The following ST3GAL2 variants were observed in gnomAD, a reference collection of about 807,000 sequenced individuals.
The protein encoded by ST3GAL2 is CMP-N-acetylneuraminate-beta-galactosamide-alpha-2,3-sialyltransferase 2.
In ST3GAL2, 16 loss-of-function variants were observed where a neutral mutation model predicts 37.5. The ratio of observed to expected loss-of-function variants is 0.43; its 90% CI spans 0.29 to 0.65. ST3GAL2 has a LOEUF of 0.65. Among genes scored for constraint, ST3GAL2 ranks in the 30% least tolerant of loss-of-function variants. The probability of loss-of-function intolerance (pLI) is 0.17; values close to 1 mark genes in which losing one functional copy is unlikely to be tolerated. For synonymous variants in ST3GAL2, 238 were observed against 202.9 expected (o/e 1.17, Z -1.47); for missense variants, 383 against 487.8 (o/e 0.79, Z 2.02).
At position 70,377,130 on chromosome 16, in the gene ST3GAL2, GC is replaced by G. The variant is rs2047353943; in HGVS notation, c.*4558del. 6.7e-6 allele frequency: 1 copy of G among 148,790 alleles called. No homozygotes were observed. The highest frequency in any genetic ancestry group is 2.5e-5 in the African/African-American group (1 of 39,594). 9.2% of individuals were successfully genotyped at this position (148,790 alleles called of 1,614,324 possible). On this transcript the variant is annotated 3_prime_UTR_variant, in exon 7 of 7. Coordinates refer to ENST00000342907, the MANE Select transcript of ST3GAL2 (RefSeq NM_006927.4). ...TCACTTGAATCCAGGAGTTTTTGAG[GC>G]TGCAGTGAGCTCTGCACCAGTCTGG... is the stretch of plus-strand genomic sequence containing the variant.
chr16:70,394,498 C>T (rs2047502184), intron 3 of ST3GAL2, among the ~76,000 whole-genome samples: 1 of 152,188 alleles, frequency 6.6e-6, no homozygotes, highest in African/African-American at 2.4e-5. Flanking sequence ...CTGCCTCAGC[C>T]ACCCCAGTAG....
chr16:70,378,244 C>T lies in ST3GAL2; in HGVS notation c.*3445G>A, dbSNP rs1169020806. ...CCTGGCCAACATGGTGAAACCCCGTCTCTACTAAAAATACAAAAATTAGCT... is the reference window on the plus strand; with the variant it reads ...CCTGGCCAACATGGTGAAACCCCGTTTCTACTAAAAATACAAAAATTAGCT... On this transcript the variant is annotated 3_prime_UTR_variant, in exon 7 of 7. Transcript: ENST00000342907. 4 of 152,064 alleles carry T rather than the reference C, an allele frequency of 2.6e-5. No homozygotes were observed. Among genetic ancestry groups the T allele is most frequent in the African/African-American group, 9.7e-5 (4 of 41,368 alleles). 9.4% of individuals were successfully genotyped at this position (152,064 alleles called of 1,614,324 possible). A position where few individuals can be genotyped will look rare whatever the true frequency, so the allele number is the denominator to read the frequency against.
intron 3 of ST3GAL2, among the ~76,000 whole-genome samples, chr16:70,391,855 C>T (rs967727354): frequency 4.6e-5 from 7 of 152,208 alleles, no homozygotes; most frequent in African/African-American, 7.2e-5. Flanking sequence ...TCAGTTCTCT[C>T]GCCTCAGCCT....
chr16:70,384,092 C>A (rs1032416356), intron 4 of ST3GAL2, among the ~76,000 whole-genome samples: 1 of 152,142 alleles, frequency 6.6e-6, no homozygotes, highest in African/African-American at 2.4e-5. Flanking sequence ...CTACTGCATC[C>A]ATTTTAGCCC....
intron 3 of ST3GAL2, among the ~76,000 whole-genome samples, chr16:70,389,688 T>C (rs890967835): frequency 2.0e-5 from 3 of 152,234 alleles, no homozygotes; most frequent in Non-Finnish European, 4.4e-5. Flanking sequence ...ATGGTCTCCA[T>C]CTACTGACCT....
intron 1 of ST3GAL2, among the ~76,000 whole-genome samples, chr16:70,419,247 G>A (rs2047697305): frequency 6.6e-6 from 1 of 152,210 alleles, no homozygotes; most frequent in South Asian, 2.1e-4. Flanking sequence ...AAGGAAAGAG[G>A]AGATATGCTC....
intron 2 of ST3GAL2, among the ~76,000 whole-genome samples, chr16:70,397,205 T>C (rs994508959): frequency 4.0e-5 from 6 of 151,580 alleles, no homozygotes; most frequent in Admixed American, 3.9e-4. Context: ...CATGCCTGGC[T>C]AATTTTTTTT....
chr16:70,410,775 T>TA (rs541984127), intron 1 of ST3GAL2, among the ~76,000 whole-genome samples: 6,255 of 142,904 alleles, frequency 0.044, 491 homozygotes, highest in African/African-American at 0.15. Flanking sequence ...AGTTTTCTCT[T>TA]AAAAAAAAAA....
chr16:70,429,543 C>T lies in ST3GAL2; in HGVS notation c.-1004+9406G>A, dbSNP rs1331095748. Reference sequence around the variant, plus strand: ...GGCGGAGCTTGCAGTGAGCCGAGATCGCGCCACTGCACTCCAGCCTGGGCA... The same window carrying T: ...GGCGGAGCTTGCAGTGAGCCGAGATTGCGCCACTGCACTCCAGCCTGGGCA... On this transcript the variant is annotated intron_variant, in intron 1 of 6. Transcript: ENST00000342907. Among the ~76,000 whole-genome samples the T allele has an allele frequency of 1.1e-4, 15 of 140,926 alleles. 1 individual carries two copies. The highest frequency in any genetic ancestry group is 4.2e-4 in the African/African-American group (15 of 36,068). The allele number at this position is 140,926 out of a possible 152,430, so 92.5% of individuals were successfully genotyped here.
At chr16:70,405,944 C>T (rs1426051682) in intron 1 of ST3GAL2, among the ~76,000 whole-genome samples, 1 of 151,536 alleles carries the variant, frequency 6.6e-6, no homozygotes, top group Non-Finnish European at 1.5e-5. Context: ...GCCTGTGGTC[C>T]CAGCTACTCA....
At chr16:70,405,190 A>G (rs1301808897) in intron 1 of ST3GAL2, among the ~76,000 whole-genome samples, 1 of 152,194 alleles carries the variant, frequency 6.6e-6, no homozygotes, top group Non-Finnish European at 1.5e-5. Flanking sequence ...ATAAAAAGGA[A>G]TCAAGTTCTG....
chr16:70,382,214 C>A (rs2047411318), intron 6 of ST3GAL2, among the ~76,000 whole-genome samples: 1 of 152,026 alleles, frequency 6.6e-6, no homozygotes, highest in South Asian at 2.1e-4. Context: ...AGGCCTGGGG[C>A]TCAGAGCTGG....
rs926290836 is a variant in ST3GAL2, at chr16:70,399,030, G to T, written c.-500C>A. The T allele has an allele frequency of 2.5e-6, 1 of 404,266 alleles. No homozygotes were observed. Among genetic ancestry groups the T allele is most frequent in the African/African-American group, 2.1e-5 (1 of 48,686 alleles). 25.0% of individuals were successfully genotyped at this position (404,266 alleles called of 1,614,324 possible). On this transcript the variant is annotated 5_prime_UTR_variant, in exon 2 of 7. Transcript: ENST00000342907. ...TCCAATCACAACAGAGAGCACAGGGGCTTCAGGGGACTTGGGTTCCATGCA... is the reference window on the plus strand; with the variant it reads ...TCCAATCACAACAGAGAGCACAGGGTCTTCAGGGGACTTGGGTTCCATGCA...
At chr16:70,422,458 G>A (rs1303693056) in intron 1 of ST3GAL2, among the ~76,000 whole-genome samples, 1 of 152,236 alleles carries the variant, frequency 6.6e-6, no homozygotes, top group Non-Finnish European at 1.5e-5. Flanking sequence ...CTGAGCAGGA[G>A]AAGCAGACAG....
rs1260338800 is a variant in ST3GAL2 at position 70,378,665 on chromosome 16, G to GCACTC, written c.*3019_*3023dup. On this transcript the variant is annotated 3_prime_UTR_variant, in exon 7 of 7. Coordinates refer to ENST00000342907, the MANE Select transcript of ST3GAL2 (RefSeq NM_006927.4). ...TGCAATGAGCCGAGATCCCACCACT[G>GCACTC]CACTCCAGCCTGGGCGAGAGTGAGA... The GCACTC allele has an allele frequency of 6.7e-6, 1 of 149,950 alleles. No individual in the cohort carries two copies. Among genetic ancestry groups the GCACTC allele is most frequent in the African/African-American group, 2.5e-5 (1 of 40,432 alleles). 9.3% of individuals were successfully genotyped at this position (149,950 alleles called of 1,614,324 possible). A position where few individuals can be genotyped will look rare whatever the true frequency, so the allele number is the denominator to read the frequency against.
rs999666581 is a variant in ST3GAL2, at chr16:70,379,554, G to A, written c.*2135C>T. 1 of 152,150 alleles carries A rather than the reference G, an allele frequency of 6.6e-6. No individual in the cohort carries two copies. Among genetic ancestry groups the A allele is most frequent in the African/African-American group, 2.4e-5 (1 of 41,396 alleles). The allele number at this position is 152,150 out of a possible 1,614,324, so 9.4% of individuals were successfully genotyped here. ...TTCAGAAAGGGAAGGAAATAAAAAA[G>A]TGTGTTTAAATTACTATTGCAGAAA... On this transcript the variant is annotated 3_prime_UTR_variant, in exon 7 of 7. Coordinates refer to ENST00000342907, the MANE Select transcript of ST3GAL2 (RefSeq NM_006927.4).
At chr16:70,387,837 G>C (rs749579207) in intron 4 of ST3GAL2, among the ~76,000 whole-genome samples, 1 of 152,080 alleles carries the variant, frequency 6.6e-6, no homozygotes, top group Non-Finnish European at 1.5e-5. Flanking sequence ...TGGTCTGGCC[G>C]GGTGCGGTGG....
At position 70,377,365 on chromosome 16, in the gene ST3GAL2, A is replaced by C. The variant is rs2047356917; in HGVS notation, c.*4324T>G. 2 of 150,702 alleles carry C rather than the reference A, an allele frequency of 1.3e-5. No individual in the cohort carries two copies. Among genetic ancestry groups the C allele is most frequent in the East Asian group, 3.9e-4 (2 of 5,080 alleles). 9.3% of individuals were successfully genotyped at this position (150,702 alleles called of 1,614,324 possible). A position where few individuals can be genotyped will look rare whatever the true frequency, so the allele number is the denominator to read the frequency against. On this transcript the variant is annotated 3_prime_UTR_variant, in exon 7 of 7. Transcript: ENST00000342907. Reference sequence around the variant, plus strand: ...CGTGGTAGTGCATGCCTGTAATCCCAGCTACTCAGGAGGCTGAGACAGGAG... The same window carrying C: ...CGTGGTAGTGCATGCCTGTAATCCCCGCTACTCAGGAGGCTGAGACAGGAG...
chr16:70,378,042 T>C lies in ST3GAL2; in HGVS notation c.*3647A>G, dbSNP rs1313463233. The C allele has an allele frequency of 1.3e-5, 2 of 151,886 alleles. No homozygotes were observed. The highest frequency in any genetic ancestry group is 4.8e-5 in the African/African-American group (2 of 41,320). The allele number at this position is 151,886 out of a possible 1,614,324, so 9.4% of individuals were successfully genotyped here. A position where few individuals can be genotyped will look rare whatever the true frequency, so the allele number is the denominator to read the frequency against. ...AACAATAACAGCAATAGACGGGAAA[T>C]TTAACAAAATATTTGGAACACACCC... is the stretch of plus-strand genomic sequence containing the variant. On this transcript the variant is annotated 3_prime_UTR_variant, in exon 7 of 7. Coordinates refer to ENST00000342907, the MANE Select transcript of ST3GAL2 (RefSeq NM_006927.4).
Sources: gnomAD v4.1 joint callset for allele counts (sites outside exome capture counted in the v4.1 genomes callset) on GRCh38, gnomAD v4.1.1 for gene constraint, MANE v1.5 for transcripts, NCBI Gene and HGNC (gene_info 2026-07-23, HGNC 2026-07-21) for gene names.